Variants in FOSB observed in about 807,000 individuals in gnomAD.
FOSB encodes the protein protein FosB.
Under a neutral mutation model 31.1 loss-of-function variants are expected in FOSB, and 8 were observed. The ratio of observed to expected loss-of-function variants is 0.26; its 90% CI spans 0.15 to 0.46. The LOEUF is 0.46. FOSB is among the 20% of genes least tolerant of loss of function. The pLI is 0.99. For synonymous variants in FOSB, 214 were observed against 206.1 expected, an observed-to-expected ratio of 1.04 and a Z score of -0.33; for missense variants, 376 against 460.6, an observed-to-expected ratio of 0.82 and a Z score of 1.68.
chr19:45,470,055 C>A (rs1162389062), intron 1 of FOSB: 1 of 153,592 alleles, frequency 6.5e-6, no homozygotes, highest in African/African-American at 2.4e-5. Flanking sequence ...ACTCGTCAGT[C>A]TCACTCTGAG....
chr19:45,473,220 C>A lies in FOSB; in HGVS notation c.*208C>A. 1 of 572,466 alleles carries A rather than the reference C, an allele frequency of 1.7e-6. No individual in the cohort carries two copies. The highest frequency in any genetic ancestry group is 3.1e-6 in the Non-Finnish European group (1 of 326,498). 35.5% of individuals were successfully genotyped at this position (572,466 alleles called of 1,614,324 possible). On this transcript the variant is annotated 3_prime_UTR_variant, in exon 4 of 4. Coordinates refer to ENST00000353609, the MANE Select transcript of FOSB (RefSeq NM_006732.3). Reference sequence around the variant, plus strand: ...TTGTCCTGCCTCTTGTTTCTGTGCCCCGGCGAGGCCGGAGAGCTGGTGACT... The same window carrying A: ...TTGTCCTGCCTCTTGTTTCTGTGCCACGGCGAGGCCGGAGAGCTGGTGACT...
At chr19:45,470,577 C>T (rs1967612337) in intron 1 of FOSB, 52 bp from the exon 2 acceptor site, 3 of 1,500,748 alleles carry the variant, frequency 2.0e-6, no homozygotes, top group Non-Finnish European at 1.8e-6. Context: ...GTGTGTGTGT[C>T]GGTGTCTTTG....
In FOSB at chr19:45,471,295, C is replaced by T. The variant is rs1967652610; in HGVS notation, c.549C>T (p.Leu183=). 1.3e-6 allele frequency: 2 copies of T among 1,559,522 alleles called. No individual in the cohort carries two copies. Among genetic ancestry groups the T allele is most frequent in the Middle Eastern group, 1.7e-4 (1 of 5,998 alleles). Residue 183 remains leucine (L), a synonymous_variant, in exon 3 of 4, where the codon CTC becomes CTT. Coordinates refer to ENST00000353609, the MANE Select transcript of FOSB (RefSeq NM_006732.3). ...RNRRRELTDR[L]QAETDQLEEE... Reference sequence around the variant, plus strand: ...GGCGGAGGGAGCTGACCGACCGACTCCAGGCGGTGAGGACAGGCCCTGGGG... The same window carrying T: ...GGCGGAGGGAGCTGACCGACCGACTTCAGGCGGTGAGGACAGGCCCTGGGG...
Position 45,468,730 on chromosome 19 carries a change from G to T in FOSB, c.126+18G>T. ...CCTCCCAGGTAAGTTTTTGATAGTAGGGGTGCTGCTTTGTAGGTTTTATTT... is the reference window on the plus strand; with the variant it reads ...CCTCCCAGGTAAGTTTTTGATAGTATGGGTGCTGCTTTGTAGGTTTTATTT... On this transcript the variant is annotated intron_variant, in intron 1 of 3. Coordinates refer to ENST00000353609, the MANE Select transcript of FOSB (RefSeq NM_006732.3). This position sits in a 1 kb window ranked among gnomAD's most constrained non-coding sequence, Gnocchi z 4.8. 6.3e-7 allele frequency: 1 copy of T among 1,591,044 alleles called. No homozygotes were observed. The highest frequency in any genetic ancestry group is 8.5e-7 in the Non-Finnish European group (1 of 1,172,800).
At chr19:45,469,261 C>A (rs1206465687) in intron 1 of FOSB, among the ~76,000 whole-genome samples, 1 of 152,230 alleles carries the variant, frequency 6.6e-6, no homozygotes, top group Non-Finnish European at 1.5e-5. Flanking sequence ...CGCTGGAATC[C>A]TCCGTCTGAC....
At position 45,472,789 on chromosome 19, in the gene FOSB, C is replaced by T. The variant is rs1267495339; in HGVS notation, c.794C>T (p.Pro265Leu). The change falls in exon 4 of 4, where the codon CCC becomes CTC. Residue 265 changes from proline (P) to leucine (L), a missense_variant. By Grantham distance (98) the Pro-to-Leu change is moderately conservative. Coordinates refer to ENST00000353609, the MANE Select transcript of FOSB (RefSeq NM_006732.3). This position sits in a 1 kb window ranked among gnomAD's most constrained non-coding sequence, Gnocchi z 5.4. Reference protein sequence around the residue: ...LLPPPPPPPLPFQTSQDAPPN... With the variant: ...LLPPPPPPPLLFQTSQDAPPN... ...CCGCCCCCGCCACCACCGCCCCTGC[C>T]CTTCCAGACCAGCCAAGACGCACCC... 6.2e-7 allele frequency: 1 copy of T among 1,614,186 alleles called. No individual in the cohort carries two copies. Among genetic ancestry groups the T allele is most frequent in the East Asian group, 2.2e-5 (1 of 44,880 alleles).
chr19:45,471,496 T>TCCCCCCCCCCCCCCCCCCCC (rs3831491), intron 3 of FOSB, 195 bp downstream of exon 3: 2 of 362,734 alleles, frequency 5.5e-6, no homozygotes, highest in African/African-American at 2.7e-5. Context: ...CAACTCCTGG[T>TCCCCCCCCCCCCCCCCCCCC]CCCCCCCCCA....
chr19:45,468,453 T>G lies in FOSB; in HGVS notation c.-134T>G. ...CCCGAGCTTCCCCGGACAGCGTACT[T>G]TGAGGACTCGCTCAGCTCACCGGGG... On this transcript the variant is annotated 5_prime_UTR_variant, in exon 1 of 4. Coordinates refer to ENST00000353609, the MANE Select transcript of FOSB (RefSeq NM_006732.3). This position sits in a 1 kb window ranked among gnomAD's most constrained non-coding sequence, Gnocchi z 4.8. The G allele has an allele frequency of 4.3e-6, 4 of 921,062 alleles. No homozygotes were observed. Among genetic ancestry groups the G allele is most frequent in the African/African-American group, 1.7e-5 (1 of 59,810 alleles). 57.1% of individuals were successfully genotyped at this position (921,062 alleles called of 1,614,324 possible).
In FOSB at chr19:45,470,697, G is replaced by T; in HGVS notation, c.195G>T (p.Gln65His). The T allele has an allele frequency of 6.2e-7, 1 of 1,613,692 alleles. No homozygotes were observed. Among genetic ancestry groups the T allele is most frequent in the Non-Finnish European group, 8.5e-7 (1 of 1,180,026 alleles). ...CGGTCACCGCGATCACAACCAGCCA[G>T]GACCTCCAGTGGCTTGTGCAACCCA... ...VPTVTAITTS[Q>H]DLQWLVQPTL... The change falls in exon 2 of 4, where the codon CAG (glutamine) becomes CAT (histidine). Residue 65 changes from glutamine (Q) to histidine (H), a missense_variant. Coordinates refer to ENST00000353609, the MANE Select transcript of FOSB (RefSeq NM_006732.3).
Position 45,472,898 on chromosome 19 carries a change from T to A in FOSB, c.903T>A (p.Thr301=). 1.2e-6 allele frequency: 2 copies of A among 1,614,164 alleles called. No homozygotes were observed. Among genetic ancestry groups the A allele is most frequent in the Non-Finnish European group, 1.7e-6 (2 of 1,180,034 alleles). The change falls in exon 4 of 4, where the codon ACT becomes ACA. Residue 301 remains threonine, a synonymous_variant. Transcript: ENST00000353609. This position sits in a 1 kb window ranked among gnomAD's most constrained non-coding sequence, Gnocchi z 5.4. ...TCCCCGTTGTTAACCCTTCGTACAC[T>A]TCTTCGTTTGTCCTCACCTGCCCGG... ...DPFPVVNPSY[T]SSFVLTCPEV... is the part of the protein sequence containing the mutation.
rs893394294 is a variant in FOSB, at chr19:45,468,611, T to A, written c.25T>A (p.Tyr9Asn). The A allele has an allele frequency of 1.9e-6, 3 of 1,613,120 alleles. No individual in the cohort carries two copies. Among genetic ancestry groups the A allele is most frequent in the African/African-American group, 1.3e-5 (1 of 74,810 alleles). ...AATGTTTCAGGCTTTCCCCGGAGAC[T>A]ACGACTCCGGCTCCCGGTGCAGCTC... MFQAFPGD[Y>N]DSGSRCSSSP... The change falls in exon 1 of 4, where the codon TAC (tyrosine) becomes AAC (asparagine). Residue 9 changes from tyrosine to asparagine, a missense_variant. Transcript: ENST00000353609. The surrounding 1 kb of genome is among the most constrained non-coding windows in gnomAD (Gnocchi z 4.8).
At chr19:45,469,118 C>G (rs1967525295) in intron 1 of FOSB, among the ~76,000 whole-genome samples, 1 of 152,268 alleles carries the variant, frequency 6.6e-6, no homozygotes, top group Non-Finnish European at 1.5e-5. Context: ...TTCCTTTCCT[C>G]CTCCTTCGGA....
chr19:45,470,266 T>A (rs1253803673), intron 1 of FOSB: 1 of 268,898 alleles, frequency 3.7e-6, no homozygotes, highest in African/African-American at 2.2e-5. Context: ...TGTGGCTGTG[T>A]GTGTGGCTGT....
At position 45,468,442 on chromosome 19, in the gene FOSB, G is replaced by C. The variant is rs1055389367; in HGVS notation, c.-145G>C. ...GTTGCTCCTTCCCCGAGCTTCCCCG[G>C]ACAGCGTACTTTGAGGACTCGCTCA... On this transcript the variant is annotated 5_prime_UTR_variant, in exon 1 of 4. Coordinates refer to ENST00000353609, the MANE Select transcript of FOSB (RefSeq NM_006732.3). This position sits in a 1 kb window ranked among gnomAD's most constrained non-coding sequence, Gnocchi z 4.8. 9.4e-6 allele frequency: 8 copies of C among 847,440 alleles called. No homozygotes were observed. The highest frequency in any genetic ancestry group is 1.5e-5 in the Non-Finnish European group (8 of 538,760). 52.5% of individuals were successfully genotyped at this position (847,440 alleles called of 1,614,324 possible). A position where few individuals can be genotyped will look rare whatever the true frequency, so the allele number is the denominator to read the frequency against.
Position 45,468,578 on chromosome 19 carries a change from C to G in FOSB, c.-9C>G. The G allele has an allele frequency of 6.2e-7, 1 of 1,607,686 alleles. No individual in the cohort carries two copies. Among genetic ancestry groups the G allele is most frequent in the Non-Finnish European group, 8.5e-7 (1 of 1,178,006 alleles). ...GCGTGGTCACAGGGGCCCCCCTGTGCCCAGGGAAATGTTTCAGGCTTTCCC... is the reference window on the plus strand; with the variant it reads ...GCGTGGTCACAGGGGCCCCCCTGTGGCCAGGGAAATGTTTCAGGCTTTCCC... On this transcript the variant is annotated 5_prime_UTR_variant, in exon 1 of 4. Transcript: ENST00000353609. This position sits in a 1 kb window ranked among gnomAD's most constrained non-coding sequence, Gnocchi z 4.8.
At chr19:45,470,288 G>A in intron 1 of FOSB, 1 of 308,200 alleles carries the variant, frequency 3.2e-6, no homozygotes, top group South Asian at 6.2e-5. Flanking sequence ...GCTCCGTCCC[G>A]GGGGTTCTGT....
chr19:45,470,656 G>C lies in FOSB; in HGVS notation c.154G>C (p.Gly52Arg). The C allele has an allele frequency of 6.2e-7, 1 of 1,611,314 alleles. No individual in the cohort carries two copies. Among genetic ancestry groups the C allele is most frequent in the Non-Finnish European group, 8.5e-7 (1 of 1,179,092 alleles). Residue 52 changes from glycine (G) to arginine (R), a missense_variant, in exon 2 of 4, where the codon GGT becomes CGT. Physicochemically the swap from Gly to Arg is moderately radical, Grantham distance 125 (BLOSUM62 -2). Around this residue, in one of 3 missense-constraint regions of FOSB, gnomAD observed 193 missense variants for 207.1 expected, o/e 0.93. Transcript: ENST00000353609. ...QECAGLGEMP[G>R]SFVPTVTAIT... is the part of the protein sequence containing the mutation. ...GTGCGCCGGTCTCGGGGAAATGCCC[G>C]GTTCCTTCGTGCCCACGGTCACCGC...
chr19:45,468,829 A>G lies in FOSB; in HGVS notation c.126+117A>G. ...CATCAGAACCCTAGATCTGAGATGGAAAAGGCTCACAGCGCACTTTGCAAA... is the reference window on the plus strand; with the variant it reads ...CATCAGAACCCTAGATCTGAGATGGGAAAGGCTCACAGCGCACTTTGCAAA... On this transcript the variant is annotated intron_variant, in intron 1 of 3. Coordinates refer to ENST00000353609, the MANE Select transcript of FOSB (RefSeq NM_006732.3). This position sits in a 1 kb window ranked among gnomAD's most constrained non-coding sequence, Gnocchi z 4.8. 8.7e-7 allele frequency: 1 copy of G among 1,149,466 alleles called. No individual in the cohort carries two copies. Among genetic ancestry groups the G allele is most frequent in the Non-Finnish European group, 1.2e-6 (1 of 835,754 alleles). 71.2% of individuals were successfully genotyped at this position (1,149,466 alleles called of 1,614,324 possible).
At chr19:45,470,316 C>A (rs1262906218) in intron 1 of FOSB, 2 of 373,478 alleles carry the variant, frequency 5.4e-6, no homozygotes, top group Non-Finnish European at 4.9e-6. Context: ...CTGTGTCCAG[C>A]CTCCTCTCCA....
Sources: allele counts gnomAD v4.1 joint callset (sites outside exome capture counted in the v4.1 genomes callset), GRCh38; gene constraint gnomAD v4.1.1; regional missense constraint gnomAD v4.1.1; non-coding constraint Gnocchi (gnomAD v3.1); transcripts MANE v1.5; gene names NCBI Gene and HGNC (gene_info 2026-07-23, HGNC 2026-07-21).